Variants in XKR6 observed in about 807,000 individuals in gnomAD.
XKR6 encodes the protein XK related 6, also known as XK-related protein 6.
In XKR6, 22 loss-of-function variants were observed where a neutral mutation model predicts 56.7. The ratio of observed to expected loss-of-function variants is 0.39; its 90% CI spans 0.28 to 0.55. The LOEUF is 0.55. Ranked by LOEUF, XKR6 falls within the 20% of genes least tolerant of loss-of-function variation. The pLI is 0.66. For synonymous variants in XKR6, 524 were observed against 387.8 expected (o/e 1.35, Z -4.13); for missense variants, 852 against 889.0 (o/e 0.96, Z 0.53).
At chr8:10,978,542 G>C (rs1249025616) in intron 1 of XKR6, among the ~76,000 whole-genome samples, 1 of 152,170 alleles carries the variant, frequency 6.6e-6, no homozygotes, top group Non-Finnish European at 1.5e-5. Flanking sequence ...CTTTTTATTA[G>C]GGTCTCGTGC....
intron 1 of XKR6, among the ~76,000 whole-genome samples, chr8:11,199,778 G>A (rs1804098844): frequency 6.6e-6 from 1 of 152,210 alleles, no homozygotes; most frequent in Non-Finnish European, 1.5e-5. Context: ...GCAAAGCCAA[G>A]CTTGCGTCTT....
intron 1 of XKR6, among the ~76,000 whole-genome samples, chr8:11,000,078 A>T (rs1184772357): frequency 6.6e-6 from 1 of 152,216 alleles, no homozygotes; most frequent in African/African-American, 2.4e-5. Context: ...CAACACACTC[A>T]TGTTAAAGAC....
In XKR6 at chr8:10,898,033, A is replaced by G; in HGVS notation, c.1845T>C (p.Tyr615=). The change falls in exon 3 of 3, where the codon TAT becomes TAC. Residue 615 remains tyrosine, a synonymous_variant. Coordinates refer to ENST00000416569, the MANE Select transcript of XKR6 (RefSeq NM_173683.4). The surrounding 1 kb of genome is among the most constrained non-coding windows in gnomAD (Gnocchi z 6.6). ...GAATGCCTACTGCGGTGGGGGTGACATATTGTAGAATGTTAATAGTCCTTC... is the reference window on the plus strand; with the variant it reads ...GAATGCCTACTGCGGTGGGGGTGACGTATTGTAGAATGTTAATAGTCCTTC... ...RLRRTINILQ[Y]VTPTAVGIRY... is the part of the protein sequence containing the mutation. 2 of 1,614,002 alleles carry G rather than the reference A, an allele frequency of 1.2e-6. No individual in the cohort carries two copies. Among genetic ancestry groups the G allele is most frequent in the Non-Finnish European group, 1.7e-6 (2 of 1,179,916 alleles).
chr8:11,032,147 A>G (rs548353986), intron 1 of XKR6, among the ~76,000 whole-genome samples: 1 of 152,230 alleles, frequency 6.6e-6, no homozygotes, highest in African/African-American at 2.4e-5. Context: ...GCCTTTGCTC[A>G]TCTAGTTTTT....
intron 1 of XKR6, among the ~76,000 whole-genome samples, chr8:11,135,609 A>T (rs1800350839): frequency 6.6e-6 from 1 of 152,206 alleles, no homozygotes; most frequent in Admixed American, 6.5e-5. Flanking sequence ...CTAAAATCAC[A>T]TTAACTAAAA....
intron 1 of XKR6, among the ~76,000 whole-genome samples, chr8:11,013,021 T>C (rs1798535649): frequency 6.6e-6 from 1 of 152,126 alleles, no homozygotes; most frequent in African/African-American, 2.4e-5. Context: ...ATCCTTCGGC[T>C]TGAAGATGAA....
In XKR6 at chr8:10,919,799, C is replaced by A. The variant is rs181059033; in HGVS notation, c.961+4835G>T. Among the ~76,000 whole-genome samples, 372 of 152,260 alleles carry A rather than the reference C, an allele frequency of 2.4e-3. 6 individuals carry two copies. Among genetic ancestry groups the A allele is most frequent in the East Asian group, 7.5e-3 (39 of 5,190 alleles). ...GCCTTAGCAGACACAAGACTCACCA[C>A]CGGCATAAATGTGACATGTCAGAAT... On this transcript the variant is annotated intron_variant, in intron 2 of 2. Transcript: ENST00000416569.
chr8:11,184,640 T>C lies in XKR6; in HGVS notation c.764+15936A>G, dbSNP rs527792251. On this transcript the variant is annotated intron_variant, in intron 1 of 2. Coordinates refer to ENST00000416569, the MANE Select transcript of XKR6 (RefSeq NM_173683.4). ...TGTTTCGATGAAAACATTTCTGGTT[T>C]GGTTTTACATTTAAGTCATATTTAG... Among the ~76,000 whole-genome samples, 172 of 152,324 alleles carry C rather than the reference T, an allele frequency of 1.1e-3. 1 individual carries two copies. Among genetic ancestry groups the C allele is most frequent in the African/African-American group, 4.0e-3 (165 of 41,570 alleles).
intron 1 of XKR6, chr8:11,062,686 T>C (rs1251874982): frequency 6.6e-6 from 3 of 453,070 alleles, no homozygotes; most frequent in Non-Finnish European, 1.3e-5. Context: ...ATCTGGTTTT[T>C]AGTTAGAGTT....
chr8:11,033,911 G>A (rs1052410397), intron 1 of XKR6, among the ~76,000 whole-genome samples: 1 of 152,174 alleles, frequency 6.6e-6, no homozygotes, highest in African/African-American at 2.4e-5. Context: ...TTTTACAAAT[G>A]AGGAAACTGA....
At chr8:11,111,010 T>C in intron 1 of XKR6, among the ~76,000 whole-genome samples, 1 of 45,546 alleles carries the variant, frequency 2.2e-5, no homozygotes, top group South Asian at 6.8e-4. Context: ...CTTTTTCTAT[T>C]TTTTTTTTTT....
intron 2 of XKR6, among the ~76,000 whole-genome samples, chr8:10,907,778 G>A (rs1313521148): frequency 1.3e-5 from 2 of 152,178 alleles, no homozygotes; most frequent in African/African-American, 4.8e-5. Context: ...ACCTCTGTGA[G>A]CATTGACAAA....
chr8:10,991,339 A>C (rs1797989220), intron 1 of XKR6, among the ~76,000 whole-genome samples: 1 of 152,190 alleles, frequency 6.6e-6, no homozygotes, highest in Non-Finnish European at 1.5e-5. Flanking sequence ...CCCAGTTCTC[A>C]GCGTTCAAAG....
chr8:10,960,277 T>C (rs1802024391), intron 1 of XKR6, among the ~76,000 whole-genome samples: 1 of 151,942 alleles, frequency 6.6e-6, no homozygotes, highest in South Asian at 2.1e-4. Flanking sequence ...GGTGCAGGTA[T>C]AGCAGGTGGG....
chr8:11,201,188 C>T lies in XKR6; in HGVS notation c.152G>A (p.Ser51Asn). 2 of 1,528,878 alleles carry T rather than the reference C, an allele frequency of 1.3e-6. No homozygotes were observed. Among genetic ancestry groups the T allele is most frequent in the South Asian group, 1.2e-5 (1 of 83,686 alleles). The allele number at this position is 1,528,878 out of a possible 1,614,324, so 94.7% of individuals were successfully genotyped here. ...GCAGTGGCAGATGTGCATCGAGCTG[C>T]TCTCGCCGGGCTCGCTGCCGTCGCC... ...GGGDGSEPGE[S>N]SSMHICHCCN... The change falls in exon 1 of 3, where the codon AGC (serine) becomes AAC (asparagine). Residue 51 changes from serine to asparagine, a missense_variant. Coordinates refer to ENST00000416569, the MANE Select transcript of XKR6 (RefSeq NM_173683.4).
intron 1 of XKR6, among the ~76,000 whole-genome samples, chr8:11,113,112 G>A (rs141247326): frequency 2.7e-4 from 41 of 152,254 alleles, no homozygotes; most frequent in African/African-American, 9.4e-4. Context: ...TCAATTAAAT[G>A]ACTGCACAAT....
intron 1 of XKR6, among the ~76,000 whole-genome samples, chr8:11,035,794 G>C (rs1799125799): frequency 1.3e-5 from 2 of 152,036 alleles, no homozygotes; most frequent in South Asian, 4.1e-4. Flanking sequence ...CTGAGGAGAG[G>C]GAGGTAAGTG....
chr8:11,171,769 C>T (rs1023318842), intron 1 of XKR6, among the ~76,000 whole-genome samples: 6 of 152,106 alleles, frequency 3.9e-5, no homozygotes, highest in African/African-American at 4.8e-5. Context: ...TACCCAGTCT[C>T]GGGCCAGGTG....
At chr8:11,015,636 G>T (rs992727232) in intron 1 of XKR6, among the ~76,000 whole-genome samples, 1 of 152,200 alleles carries the variant, frequency 6.6e-6, no homozygotes, top group African/African-American at 2.4e-5. Context: ...AAGCGGGGCT[G>T]GCTGCGTTCG....
Sources: gnomAD v4.1 joint callset for allele counts (sites outside exome capture counted in the v4.1 genomes callset) on GRCh38, gnomAD v4.1.1 for gene constraint, Gnocchi (gnomAD v3.1) non-coding constraint, MANE v1.5 for transcripts, NCBI Gene and HGNC (gene_info 2026-07-23, HGNC 2026-07-21) for gene names.